UNC5D: variants seen among roughly 807,000 people sequenced by gnomAD.
The protein encoded by UNC5D is unc-5 netrin receptor D, also known as netrin receptor UNC5D.
A neutral mutation model predicts 105.4 loss-of-function variants in UNC5D; 39 were observed. That is an observed-to-expected ratio of 0.37 (90% CI 0.29 to 0.48). UNC5D has a LOEUF of 0.48. Among genes scored for constraint, UNC5D ranks in the 20% least tolerant of loss-of-function variants. The pLI, the probability that UNC5D is intolerant of heterozygous loss-of-function variation, is 0.98. For synonymous variants in UNC5D, 452 were observed against 450.4 expected, an observed-to-expected ratio of 1.00 and a Z score of -0.04; for missense variants, 991 against 1,202.4, an observed-to-expected ratio of 0.82 and a Z score of 2.60.
At chr8:35,356,075 C>T (rs1029457180) in intron 1 of UNC5D, among the ~76,000 whole-genome samples, 10 of 152,262 alleles carry the variant, frequency 6.6e-5, no homozygotes, top group Non-Finnish European at 8.8e-5. Flanking sequence ...TGTGCTACCA[C>T]GCCCGGTTAT....
chr8:35,383,277 A>G (rs1803153991), intron 1 of UNC5D, among the ~76,000 whole-genome samples: 1 of 152,144 alleles, frequency 6.6e-6, no homozygotes, highest in Non-Finnish European at 1.5e-5. Context: ...TTACTCTGCC[A>G]TTTCCTCCAT....
chr8:35,764,369 G>A (rs1801673107), intron 14 of UNC5D, among the ~76,000 whole-genome samples: 1 of 152,140 alleles, frequency 6.6e-6, no homozygotes, highest in African/African-American at 2.4e-5. Flanking sequence ...GTGAGCAGAT[G>A]GGATCTTGAA....
At chr8:35,510,533 T>C (rs1382887698) in intron 1 of UNC5D, among the ~76,000 whole-genome samples, 1 of 152,034 alleles carries the variant, frequency 6.6e-6, no homozygotes, top group African/African-American at 2.4e-5. Flanking sequence ...ATTGCTGAGG[T>C]TGTAATAAAT....
rs184227296 is a variant in UNC5D, at chr8:35,514,419, G to A, written c.104-34873G>A. 6.2e-4 allele frequency among the ~76,000 whole-genome samples: 94 copies of A among 152,254 alleles called. 1 individual carries two copies. The highest frequency in any genetic ancestry group is 2.0e-3 in the African/African-American group (85 of 41,536). On this transcript the variant is annotated intron_variant, in intron 1 of 16. Transcript: ENST00000404895. ...ATGCCAAGTGATCTATCTCTGCATG[G>A]GAGAGCAGATGGAAGTTGCTGCAAC...
intron 1 of UNC5D, among the ~76,000 whole-genome samples, chr8:35,437,621 C>T (rs1807107699): frequency 6.6e-6 from 1 of 152,062 alleles, no homozygotes; most frequent in Admixed American, 6.6e-5. Flanking sequence ...TCTCCTCCAT[C>T]CTCCAACACC....
chr8:35,472,530 G>A (rs896095418), intron 1 of UNC5D, among the ~76,000 whole-genome samples: 4 of 152,070 alleles, frequency 2.6e-5, no homozygotes, highest in African/African-American at 9.7e-5. Context: ...TGTGTTTTTA[G>A]GGGAAATCAA....
At chr8:35,590,312 G>C (rs1429910885) in intron 3 of UNC5D, among the ~76,000 whole-genome samples, 3 of 151,984 alleles carry the variant, frequency 2.0e-5, no homozygotes, top group African/African-American at 7.2e-5. Context: ...TTAATTTCAA[G>C]TCTGGAAAAG....
At chr8:35,550,335 T>C (rs1446678402) in intron 2 of UNC5D, among the ~76,000 whole-genome samples, 5 of 152,144 alleles carry the variant, frequency 3.3e-5, no homozygotes, top group African/African-American at 1.2e-4. Flanking sequence ...AAAATGTATA[T>C]CCTTTTATAT....
At chr8:35,472,353 G>T (rs774772540) in intron 1 of UNC5D, among the ~76,000 whole-genome samples, 13 of 152,038 alleles carry the variant, frequency 8.6e-5, no homozygotes, top group Non-Finnish European at 1.6e-4. Context: ...AAGTGAGTGG[G>T]TTGACAGGAT....
In UNC5D at chr8:35,465,968, G is replaced by A. The variant is rs534869509; in HGVS notation, c.104-83324G>A. ...AGCTTCTAGAACCTGGAAAAGGCAA[G>A]GAAATAGGGTTATTTTCCTATAGTA... On this transcript the variant is annotated intron_variant, in intron 1 of 16. Coordinates refer to ENST00000404895, the MANE Select transcript of UNC5D (RefSeq NM_080872.4). 7.5e-4 allele frequency among the ~76,000 whole-genome samples: 114 copies of A among 152,242 alleles called. 1 individual carries two copies. Among genetic ancestry groups the A allele is most frequent in the African/African-American group, 2.7e-3 (113 of 41,550 alleles).
chr8:35,486,540 T>A (rs576934823), intron 1 of UNC5D, among the ~76,000 whole-genome samples: 101 of 152,344 alleles, frequency 6.6e-4, no homozygotes, highest in African/African-American at 2.4e-3. Context: ...CATAATTTTT[T>A]AATTATTATT....
chr8:35,676,986 A>G (rs770996018), intron 4 of UNC5D, among the ~76,000 whole-genome samples: 5 of 152,048 alleles, frequency 3.3e-5, no homozygotes, highest in Non-Finnish European at 7.4e-5. Flanking sequence ...TGAAATAAAC[A>G]TCTCTGGCTT....
chr8:35,502,499 T>A (rs1008926849), intron 1 of UNC5D, among the ~76,000 whole-genome samples: 1 of 152,178 alleles, frequency 6.6e-6, no homozygotes, highest in Admixed American at 6.5e-5. Context: ...TCAAATGGAT[T>A]TGAGTTCTTT....
intron 1 of UNC5D, among the ~76,000 whole-genome samples, chr8:35,382,211 T>C (rs1803087087): frequency 6.6e-6 from 1 of 152,194 alleles, no homozygotes; most frequent in Non-Finnish European, 1.5e-5. Flanking sequence ...AATCTGTCAA[T>C]GTGAATTGAA....
intron 1 of UNC5D, among the ~76,000 whole-genome samples, chr8:35,410,229 T>C: frequency 6.6e-6 from 1 of 152,046 alleles, no homozygotes; most frequent in East Asian, 1.9e-4. Flanking sequence ...TTAACAAAGA[T>C]ACTACTAATT....
chr8:35,656,421 T>C (rs1823740481), intron 4 of UNC5D, among the ~76,000 whole-genome samples: 1 of 152,238 alleles, frequency 6.6e-6, no homozygotes, highest in Non-Finnish European at 1.5e-5. Flanking sequence ...AAGAGAATTC[T>C]AGCATAGAAA....
intron 4 of UNC5D, among the ~76,000 whole-genome samples, chr8:35,638,635 A>G (rs745330451): frequency 4.6e-5 from 7 of 152,028 alleles, no homozygotes; most frequent in Non-Finnish European, 8.8e-5. Context: ...CTCTATAAAA[A>G]AAAATAAAAA....
intron 3 of UNC5D, among the ~76,000 whole-genome samples, chr8:35,591,770 G>A (rs1306103863): frequency 2.0e-5 from 3 of 152,056 alleles, no homozygotes; most frequent in African/African-American, 4.8e-5. Flanking sequence ...GAAAGTCTAG[G>A]ACATAGAACC....
At chr8:35,506,788 G>C (rs1178511119) in intron 1 of UNC5D, among the ~76,000 whole-genome samples, 1 of 152,160 alleles carries the variant, frequency 6.6e-6, no homozygotes, top group East Asian at 1.9e-4. Flanking sequence ...ATTCACCAGT[G>C]ATTGTGTAGG....
Sources: allele counts gnomAD v4.1 joint callset (sites outside exome capture counted in the v4.1 genomes callset), GRCh38; gene constraint gnomAD v4.1.1; transcripts MANE v1.5; gene names NCBI Gene and HGNC (gene_info 2026-07-23, HGNC 2026-07-21).